Variants in H2BN1 observed in about 807,000 individuals in gnomAD.
H2BN1 encodes the protein histone H2B.N.
chr17:32,905,558 T>G, the H2BN1 span: 1 of 152,088 alleles, frequency 6.6e-6, no homozygotes, highest in African/African-American at 2.4e-5. Flanking sequence ...TTTAGAAAGT[T>G]TATTTTGTCA....
the H2BN1 span, among the ~76,000 whole-genome samples, chr17:32,902,952 A>G: frequency 6.6e-6 from 1 of 152,226 alleles, no homozygotes; most frequent in Non-Finnish European, 1.5e-5. Flanking sequence ...TGGCAGGGAT[A>G]GAATGAAATT....
the H2BN1 span, among the ~76,000 whole-genome samples, chr17:32,897,358 T>TACACACACAC: frequency 0.083 from 10,217 of 123,818 alleles, 590 homozygotes; most frequent in Non-Finnish European, 0.12. Context: ...CTCTCTGTCT[T>TACACACACAC]ACACACACAC....
chr17:32,898,965 G>A, the H2BN1 span, among the ~76,000 whole-genome samples: 1 of 152,112 alleles, frequency 6.6e-6, no homozygotes, highest in Admixed American at 6.6e-5. Flanking sequence ...GAAAGATGTG[G>A]GGGAAGAAAA....
At chr17:32,903,412 T>A in the H2BN1 span, among the ~76,000 whole-genome samples, 3 of 152,160 alleles carry the variant, frequency 2.0e-5, no homozygotes, top group Non-Finnish European at 2.9e-5. Flanking sequence ...AAAATTTACA[T>A]CGTAAGTTAT....
chr17:32,896,117 C>T, the H2BN1 span, among the ~76,000 whole-genome samples: 2 of 152,040 alleles, frequency 1.3e-5, no homozygotes, highest in African/African-American at 4.8e-5. Flanking sequence ...GGTCTCACTA[C>T]GTTTCCCAGG....
the H2BN1 span, among the ~76,000 whole-genome samples, chr17:32,900,672 C>T: frequency 6.6e-6 from 1 of 151,900 alleles, no homozygotes; most frequent in African/African-American, 2.4e-5. Context: ...AGCTGCGTCT[C>T]TGGGGTTCAC....
the H2BN1 span, among the ~76,000 whole-genome samples, chr17:32,895,493 C>T: frequency 6.6e-6 from 1 of 152,000 alleles, no homozygotes; most frequent in African/African-American, 2.4e-5. Context: ...GCTTTATTTC[C>T]CAGTCAAAAA....
the H2BN1 span, among the ~76,000 whole-genome samples, chr17:32,900,196 C>T: frequency 3.0e-4 from 45 of 152,188 alleles, no homozygotes; most frequent in Admixed American, 2.7e-3. Context: ...TTTTGGAACA[C>T]ATACCAATAA....
chr17:32,898,847 A>T, the H2BN1 span, among the ~76,000 whole-genome samples: 1 of 152,238 alleles, frequency 6.6e-6, no homozygotes, highest in Non-Finnish European at 1.5e-5. Context: ...AAAGTGGCTT[A>T]TGTATGTAAA....
chr17:32,902,860 C>T, the H2BN1 span, among the ~76,000 whole-genome samples: 1 of 151,526 alleles, frequency 6.6e-6, no homozygotes, highest in Non-Finnish European at 1.5e-5. Context: ...AAAGAAATTA[C>T]ACAAGCAAAG....
chr17:32,899,379 T>C, the H2BN1 span, among the ~76,000 whole-genome samples: 1 of 152,230 alleles, frequency 6.6e-6, no homozygotes, highest in African/African-American at 2.4e-5. Flanking sequence ...CAAGATAAAC[T>C]TGGGGCTCCT....
chr17:32,896,520 A>G, the H2BN1 span, among the ~76,000 whole-genome samples: 1 of 152,212 alleles, frequency 6.6e-6, no homozygotes, highest in East Asian at 1.9e-4. Context: ...ATGACAAGGA[A>G]GTAAGTTTGA....
At chr17:32,900,231 A>G in the H2BN1 span, among the ~76,000 whole-genome samples, 2 of 152,226 alleles carry the variant, frequency 1.3e-5, no homozygotes, top group Non-Finnish European at 2.9e-5. Context: ...TACAGCCCAG[A>G]TAAAGTCAAA....
chr17:32,900,548 A>G, the H2BN1 span, among the ~76,000 whole-genome samples: 3 of 152,194 alleles, frequency 2.0e-5, no homozygotes, highest in East Asian at 1.9e-4. Flanking sequence ...TAATTTTCCA[A>G]ACAATAAGTC....
At chr17:32,900,939 G>A in the H2BN1 span, among the ~76,000 whole-genome samples, 11 of 152,002 alleles carry the variant, frequency 7.2e-5, no homozygotes, top group Non-Finnish European at 7.4e-5. Context: ...CAGGTGTGGT[G>A]ACTCAAGCCT....
chr17:32,896,632 A>G, the H2BN1 span, among the ~76,000 whole-genome samples: 2 of 152,202 alleles, frequency 1.3e-5, no homozygotes, highest in African/African-American at 4.8e-5. Flanking sequence ...TTAAGGAAAG[A>G]TGGGAGAGGA....
At chr17:32,906,008 G>A in the H2BN1 span, among the ~76,000 whole-genome samples, 5 of 152,116 alleles carry the variant, frequency 3.3e-5, no homozygotes, top group South Asian at 2.1e-4. Flanking sequence ...AATGCCTGTC[G>A]TTGCCCCTTT....
chr17:32,902,165 TC>T, the H2BN1 span, among the ~76,000 whole-genome samples: 2 of 152,158 alleles, frequency 1.3e-5, no homozygotes, highest in African/African-American at 4.8e-5. Flanking sequence ...CTTTCTTACT[TC>T]TGGGTTCCTT....
chr17:32,902,703 G>A, the H2BN1 span, among the ~76,000 whole-genome samples: 1 of 152,202 alleles, frequency 6.6e-6, no homozygotes, highest in Non-Finnish European at 1.5e-5. Flanking sequence ...AGCCAGGCGT[G>A]GTGGTGGGCA....
Sources: allele counts gnomAD v4.1 joint callset (sites outside exome capture counted in the v4.1 genomes callset), GRCh38; gene constraint gnomAD v4.1.1; transcripts MANE v1.5; gene names NCBI Gene and HGNC (gene_info 2026-07-23, HGNC 2026-07-21).